Variants in DNTT observed in about 807,000 individuals in gnomAD.
DNTT encodes the protein DNA nucleotidylexotransferase.
A neutral mutation model predicts 60.9 loss-of-function variants in DNTT; 47 were observed. The observed-to-expected ratio is 0.77, with a 90% confidence interval of 0.61 to 0.98. The LOEUF (loss-of-function observed/expected upper bound fraction) is 0.98. Ranked by LOEUF, DNTT falls within the 50% of genes least tolerant of loss-of-function variation. The pLI, the probability that DNTT is intolerant of heterozygous loss-of-function variation, is 0.00. For synonymous variants in DNTT, 224 were observed against 221.2 expected (o/e 1.01, Z -0.11); for missense variants, 665 against 627.5 (o/e 1.06, Z -0.64).
chr10:96,311,158 TCCA>T (rs1844710035), intron 1 of DNTT, among the ~76,000 whole-genome samples: 2 of 152,232 alleles, frequency 1.3e-5, no homozygotes. Flanking sequence ...ATCTTTCTGT[TCCA>T]AGGATACTGA....
At chr10:96,321,393 C>A (rs1844875182) in intron 4 of DNTT, among the ~76,000 whole-genome samples, 1 of 152,012 alleles carries the variant, frequency 6.6e-6, no homozygotes, top group African/African-American at 2.4e-5. Context: ...GCACAGTGCC[C>A]TCCTTGTGCT....
rs1564870098 is a variant in DNTT at position 96,314,401 on chromosome 10, C to CTTTTTTTTT, written c.204-3951_204-3950insTTTTTTTTT. 1.3e-4 allele frequency among the ~76,000 whole-genome samples: 5 copies of CTTTTTTTTT among 39,848 alleles called. No individual in the cohort carries two copies. The East Asian group carries it at 1.7e-3, about 13-fold the overall frequency. 26.1% of individuals were successfully genotyped at this position (39,848 alleles called of 152,430 possible). A position where few individuals can be genotyped will look rare whatever the true frequency, so the allele number is the denominator to read the frequency against. ...TTAACATTTCCAAGGCTATCTCTTC[C>CTTTTTTTTT]CTTTTTTTTTTTTTTTTTTTTTTTT... On this transcript the variant is annotated intron_variant, in intron 1 of 10. Transcript: ENST00000371174.
chr10:96,326,580 T>C (rs1312219162), intron 6 of DNTT, among the ~76,000 whole-genome samples: 1 of 152,216 alleles, frequency 6.6e-6, no homozygotes, highest in East Asian at 1.9e-4. Flanking sequence ...TTTACTCTTG[T>C]CATTTCAGAG....
chr10:96,324,228 T>C, intron 5 of DNTT, 38 bp from the exon 6 acceptor site: 2 of 1,598,564 alleles, frequency 1.3e-6, no homozygotes, highest in Non-Finnish European at 1.7e-6. Context: ...ATAATGATTA[T>C]CTTAGAGACT....
chr10:96,318,558 T>C, intron 2 of DNTT, 32 bp downstream of exon 2: 6 of 1,605,148 alleles, frequency 3.7e-6, no homozygotes, highest in Non-Finnish European at 5.1e-6. Flanking sequence ...TTCACTGTTC[T>C]TTGCTTGATG....
At position 96,307,857 on chromosome 10, in the gene DNTT, C is replaced by T. The variant is rs983365207; in HGVS notation, c.203+3157C>T. Among the ~76,000 whole-genome samples, 3 of 149,976 alleles carry T rather than the reference C, an allele frequency of 2.0e-5. 1 individual carries two copies. In the South Asian group the frequency reaches 6.4e-4, roughly 32 times the overall value. ...TGCCATCTCGGCTCACTGCAACCTC[C>T]GTCTCCCAGACTCAACGGATCCTCT... On this transcript the variant is annotated intron_variant, in intron 1 of 10. Transcript: ENST00000371174.
intron 6 of DNTT, among the ~76,000 whole-genome samples, chr10:96,326,856 G>A (rs1726176050): frequency 6.6e-6 from 1 of 152,122 alleles, no homozygotes; most frequent in Non-Finnish European, 1.5e-5. Flanking sequence ...CCAATCCTTG[G>A]AGATAAGCCT....
At chr10:96,334,840 TCA>T (rs1845048745) in intron 9 of DNTT, among the ~76,000 whole-genome samples, 1 of 152,238 alleles carries the variant, frequency 6.6e-6, no homozygotes, top group Admixed American at 6.5e-5. Context: ...CAGTTAAGCA[TCA>T]CTGGCTGAAG....
In DNTT at chr10:96,326,448, G is replaced by A. The variant is rs146848422; in HGVS notation, c.875-1020G>A. On this transcript the variant is annotated intron_variant, in intron 6 of 10. Transcript: ENST00000371174. ...ATACCATTTTCTCTTGGTCTTGCCA[G>A]CATGTTTCCGTGACTGTCCCCATTA... Among the ~76,000 whole-genome samples the A allele has an allele frequency of 1.4e-3, 216 of 152,292 alleles. 3 individuals carry two copies. In the East Asian group the frequency reaches 0.039, roughly 27 times the overall value.
rs138119461 is a variant in DNTT at position 96,321,291 on chromosome 10, T to G, written c.678+503T>G. On this transcript the variant is annotated intron_variant, in intron 4 of 10. Transcript: ENST00000371174. Reference sequence around the variant, plus strand: ...GCAACTTGGAGGACAAGTGCAGCGTTTGACCTTTTGACTTGGGGTATATGT... The same window carrying G: ...GCAACTTGGAGGACAAGTGCAGCGTGTGACCTTTTGACTTGGGGTATATGT... 3.7e-3 allele frequency among the ~76,000 whole-genome samples: 558 copies of G among 152,202 alleles called. 5 individuals carry two copies. Among genetic ancestry groups the G allele is most frequent in the African/African-American group, 0.013 (534 of 41,522 alleles).
At chr10:96,310,133 C>T (rs1844696699) in intron 1 of DNTT, among the ~76,000 whole-genome samples, 1 of 152,204 alleles carries the variant, frequency 6.6e-6, no homozygotes, top group Admixed American at 6.5e-5. Context: ...AACCCCCCTA[C>T]TACCCCTCAG....
chr10:96,315,235 T>C (rs1589370732), intron 1 of DNTT, among the ~76,000 whole-genome samples: 1 of 96 alleles, frequency 0.01, no homozygotes, highest in East Asian at 0.5. Flanking sequence ...CCAATGCTTC[T>C]TTTTTTTTTT....
At chr10:96,331,414 G>A (rs971738472) in intron 8 of DNTT, among the ~76,000 whole-genome samples, 9 of 152,234 alleles carry the variant, frequency 5.9e-5, no homozygotes, top group Non-Finnish European at 1.2e-4. Flanking sequence ...ACGACACCAA[G>A]CATCTGCTTC....
rs775794306 is a variant in DNTT, at chr10:96,332,599, A to G, written c.1359+3A>G. 6.2e-7 allele frequency: 1 copy of G among 1,612,170 alleles called. No homozygotes were observed. The highest frequency in any genetic ancestry group is 1.1e-5 in the South Asian group (1 of 90,970). On this transcript the variant is annotated splice_donor_region_variant and intron_variant, in intron 9 of 10. Coordinates refer to ENST00000371174, the MANE Select transcript of DNTT (RefSeq NM_004088.4). ...TGTTGGGATGGACTGGCTCCCGGGT[A>G]AGTGCTACATGGACCCATGGGATGA...
intron 3 of DNTT, among the ~76,000 whole-genome samples, chr10:96,319,772 G>C (rs921876566): frequency 2.6e-5 from 4 of 152,276 alleles, no homozygotes; most frequent in Admixed American, 6.5e-5. Context: ...CTTTTGCTGG[G>C]AAACCAAAAA....
chr10:96,330,682 T>C (rs1844997491), intron 8 of DNTT, among the ~76,000 whole-genome samples: 1 of 152,192 alleles, frequency 6.6e-6, no homozygotes, highest in African/African-American at 2.4e-5. Flanking sequence ...TGCAGGTTTG[T>C]AGAAGAAAGA....
At chr10:96,332,200 C>A in intron 8 of DNTT, 151 bp from the exon 9 acceptor site, 1 of 1,071,116 alleles carries the variant, frequency 9.3e-7, no homozygotes, top group Non-Finnish European at 1.3e-6. Context: ...TTAGTGTTTT[C>A]TCCTAGTGTT....
At chr10:96,307,956 C>T (rs550326226) in intron 1 of DNTT, among the ~76,000 whole-genome samples, 11 of 151,654 alleles carry the variant, frequency 7.3e-5, no homozygotes, top group Admixed American at 2.0e-4. Flanking sequence ...GATGGGGTTC[C>T]GCCATGTTGC....
rs1796535414 is a variant in DNTT, at chr10:96,332,488, C to T, written c.1251C>T (p.Asp417=). ...FKLPRQRVDS[D]QSSWQEGKTW... Reference sequence around the variant, plus strand: ...TGCCTCGTCAAAGAGTGGACAGTGACCAGTCCAGCTGGCAGGAAGGAAAGA... The same window carrying T: ...TGCCTCGTCAAAGAGTGGACAGTGATCAGTCCAGCTGGCAGGAAGGAAAGA... Residue 417 remains aspartate, a synonymous_variant, in exon 9 of 11, where the codon GAC becomes GAT. Coordinates refer to ENST00000371174, the MANE Select transcript of DNTT (RefSeq NM_004088.4). 1 of 1,614,176 alleles carries T rather than the reference C, an allele frequency of 6.2e-7. No homozygotes were observed. The highest frequency in any genetic ancestry group is 8.5e-7 in the Non-Finnish European group (1 of 1,180,020).
Sources: gnomAD v4.1 joint callset for allele counts (sites outside exome capture counted in the v4.1 genomes callset) on GRCh38, gnomAD v4.1.1 for gene constraint, MANE v1.5 for transcripts, NCBI Gene and HGNC (gene_info 2026-07-23, HGNC 2026-07-21) for gene names.